PCDHA2: variants seen among roughly 807,000 people sequenced by gnomAD.
PCDHA2 encodes protocadherin alpha 2, also known as protocadherin alpha-2.
In PCDHA2, 58 loss-of-function variants were observed where a neutral mutation model predicts 66.0. That is an observed-to-expected ratio of 0.88 (90% CI 0.71 to 1.09). The LOEUF is 1.09. Among genes scored for constraint, PCDHA2 ranks in the 50% least tolerant of loss-of-function variants. The probability of loss-of-function intolerance (pLI) is 0.00; values close to 1 mark genes in which losing one functional copy is unlikely to be tolerated. For missense variants in PCDHA2, 1,267 were observed against 1,242.3 expected, an observed-to-expected ratio of 1.02 and a Z score of -0.30; for synonymous variants, 634 against 554.0, an observed-to-expected ratio of 1.14 and a Z score of -2.03.
intron 1 of PCDHA2, among the ~76,000 whole-genome samples, chr5:140,799,010 G>T (rs1762385867): frequency 6.6e-6 from 1 of 152,144 alleles, no homozygotes; most frequent in Admixed American, 6.5e-5. Context: ...TGACCACTAT[G>T]TTTCTACCAT....
intron 1 of PCDHA2, chr5:140,841,189 TTTCTC>T: frequency 8.1e-7 from 1 of 1,233,560 alleles, no homozygotes; most frequent in East Asian, 2.5e-5. Flanking sequence ...TTCAAAGTCT[TTTCTC>T]TGACAGCATC....
chr5:140,808,549 G>A (rs782013709), intron 1 of PCDHA2: 7 of 1,614,136 alleles, frequency 4.3e-6, no homozygotes, highest in South Asian at 3.3e-5. Context: ...ACGCTCCGGC[G>A]TTCGCGCAGC....
intron 1 of PCDHA2, chr5:140,968,991 G>A: frequency 6.2e-7 from 1 of 1,614,208 alleles, no homozygotes; most frequent in East Asian, 2.2e-5. Context: ...ACTGCATGCT[G>A]TGGAGGCTTC....
intron 1 of PCDHA2, among the ~76,000 whole-genome samples, chr5:140,921,161 T>A (rs201050388): frequency 2.1e-5 from 3 of 141,450 alleles, no homozygotes; most frequent in African/African-American, 5.2e-5. Context: ...ATTTTTTTTT[T>A]AACACACATA....
chr5:140,802,553 G>A (rs782349098), intron 1 of PCDHA2: 4 of 1,614,068 alleles, frequency 2.5e-6, no homozygotes, highest in South Asian at 1.1e-5. Context: ...ACGACAATGC[G>A]CCGGCATTCT....
chr5:140,844,571 T>G (rs1416812482), intron 1 of PCDHA2, among the ~76,000 whole-genome samples: 1 of 149,562 alleles, frequency 6.7e-6, no homozygotes, highest in Non-Finnish European at 1.5e-5. Context: ...TTCAATAATA[T>G]TCCACATTAA....
chr5:140,935,996 G>A (rs145363850), intron 1 of PCDHA2, among the ~76,000 whole-genome samples: 2 of 150,844 alleles, frequency 1.3e-5, no homozygotes, highest in African/African-American at 4.9e-5. Context: ...GGGTTCAAGC[G>A]ATTCTCCCAC....
At chr5:140,837,048 T>A (rs1774890519) in intron 1 of PCDHA2, 1 of 199,144 alleles carries the variant, frequency 5.0e-6, no homozygotes. Flanking sequence ...ATCAAATATT[T>A]ACATTTCCAT....
intron 1 of PCDHA2, among the ~76,000 whole-genome samples, chr5:140,918,569 G>T (rs374823656): frequency 3.9e-5 from 6 of 152,136 alleles, no homozygotes; most frequent in African/African-American, 1.4e-4. Context: ...TGTATATTAT[G>T]CTGCTATTGG....
intron 1 of PCDHA2, chr5:140,869,386 C>T: frequency 6.2e-7 from 1 of 1,614,176 alleles, no homozygotes; most frequent in Non-Finnish European, 8.5e-7. Context: ...CCGCGAGGAG[C>T]TGTGCGGGCA....
intron 1 of PCDHA2, chr5:140,877,037 C>G: frequency 6.2e-7 from 1 of 1,612,492 alleles, no homozygotes; most frequent in Non-Finnish European, 8.5e-7. Flanking sequence ...GCGCTGCAGC[C>G]GCTAGACCAC....
chr5:140,898,079 C>G (rs1179252797), intron 1 of PCDHA2, among the ~76,000 whole-genome samples: 2 of 151,984 alleles, frequency 1.3e-5, no homozygotes, highest in East Asian at 1.9e-4. Context: ...ATTGTAGATT[C>G]TGGATATTAG....
intron 1 of PCDHA2, chr5:140,830,725 T>A (rs1319417645): frequency 9.0e-6 from 2 of 221,188 alleles, no homozygotes; most frequent in Admixed American, 5.6e-5. Context: ...AACCAAAATA[T>A]TCTTGGATAT....
intron 1 of PCDHA2, among the ~76,000 whole-genome samples, chr5:140,846,903 G>A (rs941589214): frequency 2.7e-5 from 4 of 149,652 alleles, no homozygotes; most frequent in Non-Finnish European, 6.0e-5. Flanking sequence ...GAAGTTGAAA[G>A]ACAATCATTT....
chr5:140,920,054 C>A (rs1332238212), intron 1 of PCDHA2, among the ~76,000 whole-genome samples: 1 of 152,150 alleles, frequency 6.6e-6, no homozygotes, highest in Non-Finnish European at 1.5e-5. Context: ...CAGCCACCAA[C>A]ACCTGGAAAA....
rs201735874 is a variant in PCDHA2, at chr5:140,821,856, C to A, written c.2388+24504C>A. On this transcript the variant is annotated intron_variant, in intron 1 of 3. Coordinates refer to ENST00000526136, the MANE Select transcript of PCDHA2 (RefSeq NM_018905.3). ...TCCTTGCCTACTGGAAGGCAGGGAG[C>A]GGCCAGCTCCACTACTCGATCCCGG... The A allele has an allele frequency of 5.5e-5, 88 of 1,614,042 alleles. No homozygotes were observed. The highest frequency in any genetic ancestry group is 1.9e-4 in the South Asian group (17 of 91,076).
At position 140,848,738 on chromosome 5, in the gene PCDHA2, T is replaced by C. The variant is rs1554142405; in HGVS notation, c.2388+51386T>C. ...ACCTTCTGGAGGTAAATCTGCAGAA[T>C]GGCATTTTGTTTGTGAATTCTCGGA... On this transcript the variant is annotated intron_variant, in intron 1 of 3. Transcript: ENST00000526136. 9 of 1,592,802 alleles carry C rather than the reference T, an allele frequency of 5.7e-6. 1 individual carries two copies. Among genetic ancestry groups the C allele is most frequent in the Middle Eastern group, 1.7e-4 (1 of 5,866 alleles).
At chr5:140,924,105 C>A (rs140580566) in intron 1 of PCDHA2, among the ~76,000 whole-genome samples, 5 of 152,144 alleles carry the variant, frequency 3.3e-5, no homozygotes, top group Admixed American at 2.6e-4. Flanking sequence ...ATTTTCATTC[C>A]AAAGCAGTTA....
intron 3 of PCDHA2, among the ~76,000 whole-genome samples, chr5:140,985,628 T>C (rs1399381029): frequency 6.6e-6 from 1 of 152,116 alleles, no homozygotes; most frequent in Non-Finnish European, 1.5e-5. Flanking sequence ...TGTGTATTGC[T>C]CTTCTCATCC....
Sources: gnomAD v4.1 joint callset for allele counts (sites outside exome capture counted in the v4.1 genomes callset) on GRCh38, gnomAD v4.1.1 for gene constraint, MANE v1.5 for transcripts, NCBI Gene and HGNC (gene_info 2026-07-23, HGNC 2026-07-21) for gene names.